The following SULF1 variants were observed in gnomAD, a reference collection of about 807,000 sequenced individuals.
SULF1 encodes the protein sulfatase 1.
Under a neutral mutation model 110.5 loss-of-function variants are expected in SULF1, and 46 were observed. That is an observed-to-expected ratio of 0.42 (90% confidence interval 0.33 to 0.53). The LOEUF (loss-of-function observed/expected upper bound fraction) is 0.53. SULF1 is among the 20% of genes least tolerant of loss of function. The pLI is 0.12. For missense variants in SULF1, 941 were observed against 1,094.2 expected (o/e 0.86, Z 1.98); for synonymous variants, 371 against 387.1 (o/e 0.96, Z 0.49).
At chr8:69,646,014 TG>T (rs1465316875) in intron 22 of SULF1, among the ~76,000 whole-genome samples, 2 of 152,162 alleles carry the variant, frequency 1.3e-5, no homozygotes, top group East Asian at 1.9e-4. Flanking sequence ...TAAGCTAAAA[TG>T]TCAAAAATTC....
chr8:69,493,180 C>A (rs748512531), intron 1 of SULF1, 55 bp downstream of exon 1: 1 of 152,606 alleles, frequency 6.6e-6, no homozygotes, highest in Non-Finnish European at 1.5e-5. Flanking sequence ...ACTTTCCTTC[C>A]TGTCCCTGTC....
intron 13 of SULF1, among the ~76,000 whole-genome samples, chr8:69,607,883 G>A (rs560243602): frequency 6.1e-4 from 93 of 152,278 alleles, no homozygotes; most frequent in Non-Finnish European, 1.2e-3. Flanking sequence ...CTCCTGACAT[G>A]CGCCCTGCTT....
chr8:69,534,187 T>C (rs778855755), intron 3 of SULF1, among the ~76,000 whole-genome samples: 1 of 152,190 alleles, frequency 6.6e-6, no homozygotes, highest in Non-Finnish European at 1.5e-5. Flanking sequence ...TTACCGAAAA[T>C]ACTTGCAGGA....
rs190061177 is a variant in SULF1, at chr8:69,544,372, G to A, written c.-133-19167G>A. ...CAACCTCTACCTCCCGGGTTCAGGC[G>A]ATTCTCCTACCTCAGCCTCCTGAGT... On this transcript the variant is annotated intron_variant, in intron 3 of 22. Transcript: ENST00000402687. Among the ~76,000 whole-genome samples, 539 of 152,028 alleles carry A rather than the reference G, an allele frequency of 3.5e-3. 3 individuals carry two copies. Among genetic ancestry groups the A allele is most frequent in the African/African-American group, 0.011 (472 of 41,464 alleles).
intron 2 of SULF1, among the ~76,000 whole-genome samples, chr8:69,496,794 C>T (rs922749032): frequency 2.0e-5 from 3 of 152,360 alleles, no homozygotes; most frequent in South Asian, 4.1e-4. Flanking sequence ...GCCTGAGCCA[C>T]TGTGCTTTGC....
intron 2 of SULF1, among the ~76,000 whole-genome samples, chr8:69,497,155 C>CTTTTTTT (rs5892193): frequency 8.2e-6 from 1 of 121,710 alleles, no homozygotes; most frequent in Non-Finnish European, 1.7e-5. Context: ...GTTCTTTTCT[C>CTTTTTTT]TTTTTTTTTT....
intron 3 of SULF1, among the ~76,000 whole-genome samples, chr8:69,508,109 A>G (rs926460982): frequency 6.8e-6 from 1 of 147,716 alleles, no homozygotes; most frequent in African/African-American, 2.5e-5. Flanking sequence ...GATAATTATT[A>G]TTTTTTTTTT....
At chr8:69,636,665 T>G (rs963981160) in intron 19 of SULF1, among the ~76,000 whole-genome samples, 2 of 152,200 alleles carry the variant, frequency 1.3e-5, no homozygotes, top group African/African-American at 4.8e-5. Flanking sequence ...GGTAGTCGAT[T>G]GGCGAGAGGT....
At chr8:69,511,477 TACA>T (rs888507092) in intron 3 of SULF1, among the ~76,000 whole-genome samples, 5 of 152,222 alleles carry the variant, frequency 3.3e-5, no homozygotes, top group Non-Finnish European at 7.3e-5. Flanking sequence ...TCTCCCCTAG[TACA>T]ACATCACAGA....
upstream of SULF1, among the ~76,000 whole-genome samples, chr8:69,489,050 T>C (rs1331710006): frequency 6.6e-6 from 1 of 151,998 alleles, no homozygotes; most frequent in East Asian, 1.9e-4. Context: ...AGGGGACATA[T>C]CTATGAAAGC....
At chr8:69,630,980 T>G (rs10087999) in intron 19 of SULF1, among the ~76,000 whole-genome samples, 45,057 of 149,458 alleles carry the variant, frequency 0.3, 9,293 homozygotes, top group African/African-American at 0.58. Context: ...GCCCCCACCC[T>G]GCAACAGTCC....
rs191045253 is a variant in SULF1, at chr8:69,553,814, A to T, written c.-133-9725A>T. On this transcript the variant is annotated intron_variant, in intron 3 of 22. Coordinates refer to ENST00000402687, the MANE Select transcript of SULF1 (RefSeq NM_001128205.2). ...TTTCCTTAATTAATAAACATCATCT[A>T]TCTTCCTTTCTATGCAGGATGTTTT... is the stretch of plus-strand genomic sequence containing the variant. 3.9e-5 allele frequency among the ~76,000 whole-genome samples: 6 copies of T among 152,322 alleles called. No individual in the cohort carries two copies. In the East Asian group the frequency reaches 1.2e-3, roughly 29 times the overall value.
At chr8:69,507,712 C>A (rs1811292815) in intron 3 of SULF1, among the ~76,000 whole-genome samples, 1 of 151,990 alleles carries the variant, frequency 6.6e-6, no homozygotes, top group Non-Finnish European at 1.5e-5. Flanking sequence ...TTGGTATCTG[C>A]AGTTTAGAGA....
intron 2 of SULF1, among the ~76,000 whole-genome samples, chr8:69,499,208 A>G (rs1027565917): frequency 6.6e-6 from 1 of 152,196 alleles, no homozygotes; most frequent in African/African-American, 2.4e-5. Flanking sequence ...ATGTACCCAA[A>G]AAGCTATGTA....
chr8:69,577,059 G>A (rs1376054892), intron 6 of SULF1, among the ~76,000 whole-genome samples: 8 of 152,186 alleles, frequency 5.3e-5, no homozygotes, highest in Admixed American at 4.6e-4. Flanking sequence ...CGCCCTACGG[G>A]CACTTAATAC....
At chr8:69,517,830 C>G (rs1451615948) in intron 3 of SULF1, among the ~76,000 whole-genome samples, 1 of 152,114 alleles carries the variant, frequency 6.6e-6, no homozygotes, top group Non-Finnish European at 1.5e-5. Flanking sequence ...TACCACAGAC[C>G]ACAATCATGC....
At chr8:69,658,396 T>C (rs1812880668) in intron 22 of SULF1, 109 bp from the exon 23 acceptor site, 1 of 765,878 alleles carries the variant, frequency 1.3e-6, no homozygotes, top group Admixed American at 2.7e-5. Flanking sequence ...TGCTTTTGAG[T>C]GTCATACTTC....
rs1194102841 is a variant in SULF1 at position 69,501,920 on chromosome 8, A to C, written c.-182A>C. ...CATCTAAAGAAGATAAACTTGGCAA[A>C]TGACATGCAGGTTCTTCAAGGCAGA... On this transcript the variant is annotated 5_prime_UTR_variant, in exon 3 of 23. An upstream start codon of the reference 5' UTR is lost. Transcript: ENST00000402687. The C allele has an allele frequency of 6.6e-6, 1 of 152,224 alleles. No homozygotes were observed. The highest frequency in any genetic ancestry group is 2.4e-5 in the African/African-American group (1 of 41,462). The allele number at this position is 152,224 out of a possible 1,614,324, so 9.4% of individuals were successfully genotyped here.
At chr8:69,551,410 A>G (rs1395825847) in intron 3 of SULF1, among the ~76,000 whole-genome samples, 1 of 152,206 alleles carries the variant, frequency 6.6e-6, no homozygotes, top group African/African-American at 2.4e-5. Flanking sequence ...TTAGCTGGTC[A>G]TTTGAAAGCC....
Sources: gnomAD v4.1 joint callset for allele counts (sites outside exome capture counted in the v4.1 genomes callset) on GRCh38, gnomAD v4.1.1 for gene constraint, MANE v1.5 for transcripts, NCBI Gene and HGNC (gene_info 2026-07-23, HGNC 2026-07-21) for gene names.